COL14A1: variants seen among roughly 807,000 people sequenced by gnomAD.
The protein encoded by COL14A1 is collagen alpha-1(XIV) chain.
A neutral mutation model predicts 230.3 loss-of-function variants in COL14A1; 136 were observed. The observed-to-expected ratio is 0.59, with a 90% CI of 0.51 to 0.68. The LOEUF (loss-of-function observed/expected upper bound fraction) is 0.68. Ranked by LOEUF, COL14A1 falls within the 30% of genes least tolerant of loss-of-function variation. COL14A1 has a pLI of 0.00. For synonymous variants in COL14A1, 792 were observed against 784.1 expected (o/e 1.01, Z -0.17); for missense variants, 1,976 against 2,215.8 (o/e 0.89, Z 2.17).
intron 45 of COL14A1, among the ~76,000 whole-genome samples, chr8:120,355,039 C>G (rs1266138992): frequency 6.6e-6 from 1 of 152,130 alleles, no homozygotes; most frequent in Non-Finnish European, 1.5e-5. Flanking sequence ...AAGAGAGGAC[C>G]AGTTCTGAGG....
intron 45 of COL14A1, among the ~76,000 whole-genome samples, chr8:120,361,483 A>G (rs540917599): frequency 3.8e-4 from 58 of 152,242 alleles, no homozygotes; most frequent in African/African-American, 1.3e-3. Flanking sequence ...TATTGAATTA[A>G]CTCCAATTAA....
chr8:120,224,183 C>T (rs1818023226), intron 14 of COL14A1, among the ~76,000 whole-genome samples: 1 of 151,940 alleles, frequency 6.6e-6, no homozygotes, highest in Non-Finnish European at 1.5e-5. Context: ...CGCACCACAA[C>T]ACCCAGCTAA....
Position 120,280,955 on chromosome 8 carries a change from A to G in COL14A1, c.3720A>G (p.Glu1240=), listed in dbSNP as rs2129902910. ...FKMMEMFGLV[E]KDFSSVEGVS... Reference sequence around the variant, plus strand: ...TGATGGAAATGTTTGGTTTGGTTGAAAAAGATTTTTCATCAGTGGAAGGGG... The same window carrying G: ...TGATGGAAATGTTTGGTTTGGTTGAGAAAGATTTTTCATCAGTGGAAGGGG... The change falls in exon 31 of 48, where the codon GAA becomes GAG. Residue 1240 remains glutamate, a synonymous_variant. Coordinates refer to ENST00000297848, the MANE Select transcript of COL14A1 (RefSeq NM_021110.4). 1 of 1,610,580 alleles carries G rather than the reference A, an allele frequency of 6.2e-7. No individual in the cohort carries two copies.
intron 2 of COL14A1, among the ~76,000 whole-genome samples, chr8:120,150,503 T>G (rs1486277503): frequency 6.6e-6 from 1 of 152,104 alleles, no homozygotes; most frequent in Admixed American, 6.6e-5. Flanking sequence ...ATAAATCAAG[T>G]TTCTTGATGG....
At position 120,226,691 on chromosome 8, in the gene COL14A1, C is replaced by G; in HGVS notation, c.1929C>G (p.Thr643=). ...DEVTTDSFRV[T]WHPLSADEGL... The stretch of plus-strand genomic sequence containing the variant: ...TGACGACAGACAGTTTTAGGGTGAC[C>G]TGGCATCCCCTCTCAGCTGATGAAG... Residue 643 remains threonine, a synonymous_variant, in exon 16 of 48, where the codon ACC becomes ACG. Transcript: ENST00000297848. 6.2e-7 allele frequency: 1 copy of G among 1,613,858 alleles called. No homozygotes were observed. The highest frequency in any genetic ancestry group is 8.5e-7 in the Non-Finnish European group (1 of 1,179,862).
intron 46 of COL14A1, among the ~76,000 whole-genome samples, chr8:120,368,100 C>A (rs1476026937): frequency 6.6e-6 from 1 of 152,150 alleles, no homozygotes; most frequent in African/African-American, 2.4e-5. Context: ...TTGGTGAGCA[C>A]TAGTATTTCC....
chr8:120,216,502 G>A lies in COL14A1; in HGVS notation c.1737+12G>A. The A allele has an allele frequency of 6.2e-7, 1 of 1,601,120 alleles. No individual in the cohort carries two copies. Among genetic ancestry groups the A allele is most frequent in the Non-Finnish European group, 8.5e-7 (1 of 1,174,984 alleles). The stretch of plus-strand genomic sequence containing the variant: ...CTGAAATCAATGAGGTAAGTTCCGG[G>A]ACATAATGTATATTTTTTAGGTAGT... On this transcript the variant is annotated intron_variant, in intron 14 of 47. Transcript: ENST00000297848.
chr8:120,293,528 C>T (rs1319578), intron 34 of COL14A1, among the ~76,000 whole-genome samples: 73,165 of 151,518 alleles, frequency 0.48, 17,996 homozygotes, highest in African/African-American at 0.58. Context: ...CTTGCATCTT[C>T]CCTACTCTGT....
chr8:120,255,163 C>T, intron 22 of COL14A1, 77 bp from the exon 23 acceptor site: 2 of 1,190,004 alleles, frequency 1.7e-6, no homozygotes, highest in Non-Finnish European at 2.5e-6. Context: ...AAAATTTTTC[C>T]AGAAGTTAAT....
At chr8:120,331,382 C>T (rs908553281) in intron 40 of COL14A1, among the ~76,000 whole-genome samples, 1 of 152,154 alleles carries the variant, frequency 6.6e-6, no homozygotes, top group Non-Finnish European at 1.5e-5. Context: ...TGAAGATTCT[C>T]TCTTAAATTA....
Position 120,373,218 on chromosome 8 carries a change from A to G in COL14A1, c.*1987A>G, listed in dbSNP as rs1129080. Among the ~76,000 whole-genome samples the G allele has an allele frequency of 0.76, 115,428 of 152,112 alleles. 46,074 individuals carry two copies. Among genetic ancestry groups the G allele is most frequent in the Non-Finnish European group, 0.89 (60,377 of 68,018 alleles). On this transcript the variant is annotated 3_prime_UTR_variant, in exon 48 of 48. Coordinates refer to ENST00000297848, the MANE Select transcript of COL14A1 (RefSeq NM_021110.4). ...AGTTTGTGTATAAATGGCGAAGTAT[A>G]CACTATGAGAGATTCTAATCCATTC...
chr8:120,371,996 T>G lies in COL14A1; in HGVS notation c.*765T>G. On this transcript the variant is annotated 3_prime_UTR_variant, in exon 48 of 48. Transcript: ENST00000297848. ...TGCAGATAAGTTTTCGCAAACCTAT[T>G]TCCATTTTCTTTTGTAAGCAAATAA... The G allele has an allele frequency of 4.9e-6, 1 of 203,776 alleles. No individual in the cohort carries two copies. Among genetic ancestry groups the G allele is most frequent in the Non-Finnish European group, 9.8e-6 (1 of 101,594 alleles). The allele number at this position is 203,776 out of a possible 1,614,324, so 12.6% of individuals were successfully genotyped here. A position where few individuals can be genotyped will look rare whatever the true frequency, so the allele number is the denominator to read the frequency against.
At chr8:120,201,939 A>G (rs775924111) in intron 8 of COL14A1, among the ~76,000 whole-genome samples, 7 of 152,136 alleles carry the variant, frequency 4.6e-5, no homozygotes, top group Non-Finnish European at 7.3e-5. Context: ...TTTTCCCAGA[A>G]TATTTCTATA....
intron 1 of COL14A1, among the ~76,000 whole-genome samples, chr8:120,131,350 C>T (rs963925479): frequency 1.4e-5 from 2 of 144,496 alleles, no homozygotes; most frequent in African/African-American, 5.3e-5. Context: ...ATAAGCATTT[C>T]CTTTTCTCTG....
intron 32 of COL14A1, 97 bp downstream of exon 32, chr8:120,283,875 A>G (rs1209033570): frequency 2.1e-6 from 2 of 945,346 alleles, no homozygotes; most frequent in African/African-American, 3.3e-5. Context: ...AGAGTAACTC[A>G]CTAATCTTAT....
intron 21 of COL14A1, 107 bp from the exon 22 acceptor site, chr8:120,250,510 T>C (rs1818902795): frequency 8.2e-7 from 1 of 1,217,312 alleles, no homozygotes; most frequent in African/African-American, 1.5e-5. Flanking sequence ...GCTTGCTGTA[T>C]AATCCCAGGC....
chr8:120,201,165 A>G (rs919482064), intron 8 of COL14A1, among the ~76,000 whole-genome samples: 1 of 152,158 alleles, frequency 6.6e-6, no homozygotes, highest in African/African-American at 2.4e-5. Flanking sequence ...TAATGTAGCC[A>G]TTACTGCTAC....
At chr8:120,248,957 G>A (rs1818849906) in intron 21 of COL14A1, among the ~76,000 whole-genome samples, 1 of 110,762 alleles carries the variant, frequency 9.0e-6, no homozygotes, top group Non-Finnish European at 1.7e-5. Flanking sequence ...ACGGAGTCTC[G>A]CTCTGTCACC....
Position 120,334,358 on chromosome 8 carries a change from G to A in COL14A1, c.4785+1623G>A, listed in dbSNP as rs972149588. On this transcript the variant is annotated intron_variant, in intron 42 of 47. Coordinates refer to ENST00000297848, the MANE Select transcript of COL14A1 (RefSeq NM_021110.4). ...TCCTTAGTAATCACTTTATACAGCT[G>A]TATCTTTATTCCAACTACAATGTCA... Among the ~76,000 whole-genome samples the A allele has an allele frequency of 1.0e-4, 15 of 147,202 alleles. No homozygotes were observed. The East Asian group carries it at 1.8e-3, about 18-fold the overall frequency.
Sources: allele counts gnomAD v4.1 joint callset (sites outside exome capture counted in the v4.1 genomes callset), GRCh38; gene constraint gnomAD v4.1.1; transcripts MANE v1.5; gene names NCBI Gene and HGNC (gene_info 2026-07-23, HGNC 2026-07-21).